ENOX1: variants seen among roughly 807,000 people sequenced by gnomAD.
ENOX1 encodes the protein ecto-NOX disulfide-thiol exchanger 1.
ENOX1 carries 42 observed loss-of-function variants against 82.5 expected under a neutral mutation model. The ratio of observed to expected loss-of-function variants is 0.51; its 90% confidence interval spans 0.40 to 0.66. The LOEUF (loss-of-function observed/expected upper bound fraction) is 0.66, where lower values mean the gene tolerates loss of function less well. Ranked by LOEUF, ENOX1 falls within the 30% of genes least tolerant of loss-of-function variation. The pLI is 0.00. For missense variants in ENOX1, 608 were observed against 811.6 expected (o/e 0.75, Z 3.05); for synonymous variants, 271 against 282.2 (o/e 0.96, Z 0.40).
chr13:43,355,889 G>A, intron 8 of ENOX1, 30 bp downstream of exon 8: 1 of 1,588,306 alleles, frequency 6.3e-7, no homozygotes, highest in Non-Finnish European at 8.6e-7. Context: ...TCCCTGTGGA[G>A]GAAGAAAAGC....
chr13:43,573,843 A>G (rs1495763), intron 2 of ENOX1, among the ~76,000 whole-genome samples: 148,473 of 152,318 alleles, frequency 0.97, 72,475 homozygotes, highest in East Asian at 1. Flanking sequence ...TGAGGAGTTC[A>G]CAGACTTATG....
chr13:43,656,637 G>A (rs1001771157), intron 2 of ENOX1, among the ~76,000 whole-genome samples: 1 of 152,084 alleles, frequency 6.6e-6, no homozygotes, highest in Non-Finnish European at 1.5e-5. Flanking sequence ...CATACTATAG[G>A]ACTAAAAAAT....
intron 1 of ENOX1, among the ~76,000 whole-genome samples, chr13:43,734,551 G>A (rs981277156): frequency 1.3e-5 from 2 of 152,170 alleles, no homozygotes; most frequent in African/African-American, 4.8e-5. Context: ...TCCTCCTGGA[G>A]GAGGCAACAA....
At chr13:43,396,123 C>A (rs2053131568) in intron 5 of ENOX1, among the ~76,000 whole-genome samples, 3 of 152,198 alleles carry the variant, frequency 2.0e-5, no homozygotes, top group Admixed American at 2.0e-4. Context: ...AATTACTATT[C>A]ATTTTCGTGT....
At chr13:43,697,687 C>T (rs147232853) in intron 1 of ENOX1, among the ~76,000 whole-genome samples, 20 of 152,262 alleles carry the variant, frequency 1.3e-4, no homozygotes, top group Admixed American at 5.2e-4. Context: ...TCCAAAGGGA[C>T]GGGATTCCAG....
At chr13:43,386,623 T>C (rs775586751) in intron 5 of ENOX1, among the ~76,000 whole-genome samples, 1 of 152,224 alleles carries the variant, frequency 6.6e-6, no homozygotes, top group African/African-American at 2.4e-5. Flanking sequence ...TTGACTTGGA[T>C]GTAAAATGGT....
intron 5 of ENOX1, among the ~76,000 whole-genome samples, chr13:43,382,598 G>A (rs1594245602): frequency 1.3e-5 from 2 of 152,098 alleles, no homozygotes; most frequent in South Asian, 4.1e-4. Context: ...AAGATCAGTG[G>A]TTGTCTCAGG....
At chr13:43,646,813 TACA>T (rs1345204376) in intron 2 of ENOX1, among the ~76,000 whole-genome samples, 2 of 152,180 alleles carry the variant, frequency 1.3e-5, no homozygotes, top group East Asian at 1.9e-4. Flanking sequence ...TTTAGATGGA[TACA>T]ACACTAGATA....
intron 1 of ENOX1, among the ~76,000 whole-genome samples, chr13:43,760,248 A>C (rs1184301210): frequency 1.3e-5 from 2 of 152,250 alleles, no homozygotes; most frequent in African/African-American, 4.8e-5. Context: ...CTTGTACTAA[A>C]GGTTTATTTA....
At chr13:43,380,037 C>A (rs1013314886) in intron 5 of ENOX1, among the ~76,000 whole-genome samples, 12 of 151,898 alleles carry the variant, frequency 7.9e-5, no homozygotes, top group South Asian at 2.1e-4. Context: ...AAAAAAAAAT[C>A]TTTTCTTTAA....
chr13:43,700,185 C>A (rs113486108), intron 1 of ENOX1, among the ~76,000 whole-genome samples: 197 of 151,824 alleles, frequency 1.3e-3, no homozygotes, highest in African/African-American at 4.5e-3. Context: ...GGTTTTTAAA[C>A]CAAGAAGCAA....
chr13:43,344,450 C>T (rs1398135612), intron 9 of ENOX1, 88 bp downstream of exon 9: 3 of 1,064,588 alleles, frequency 2.8e-6, no homozygotes, highest in Admixed American at 2.3e-5. Context: ...AATTATTGAA[C>T]TACTTACCCC....
chr13:43,444,106 G>A lies in ENOX1; in HGVS notation c.-74-31118C>T, dbSNP rs61959487. ...GCACTGTAGGCCTGTGAGTGGGGTC[G>A]GGGGAGCTACCAGTGAATTGAGGAA... is the stretch of plus-strand genomic sequence containing the variant. On this transcript the variant is annotated intron_variant, in intron 3 of 16. Coordinates refer to ENST00000690772, the MANE Select transcript of ENOX1 (RefSeq NM_001347969.2). Among the ~76,000 whole-genome samples, 1,222 of 152,248 alleles carry A rather than the reference G, an allele frequency of 8.0e-3. 12 individuals are homozygous for A. The highest frequency in any genetic ancestry group is 9.5e-3 in the Non-Finnish European group (649 of 68,002).
intron 1 of ENOX1, among the ~76,000 whole-genome samples, chr13:43,749,587 C>A (rs578183634): frequency 6.6e-6 from 1 of 152,206 alleles, no homozygotes; most frequent in Non-Finnish European, 1.5e-5. Flanking sequence ...CAGCAGGGAA[C>A]CAGCTTTGCT....
intron 2 of ENOX1, among the ~76,000 whole-genome samples, chr13:43,543,293 T>G (rs960132839): frequency 2.0e-5 from 3 of 152,206 alleles, no homozygotes; most frequent in African/African-American, 7.2e-5. Flanking sequence ...TTTCCAAACA[T>G]CATGTTTTGA....
intron 1 of ENOX1, among the ~76,000 whole-genome samples, chr13:43,703,194 T>C (rs1376219317): frequency 1.3e-5 from 2 of 152,154 alleles, no homozygotes; most frequent in African/African-American, 4.8e-5. Flanking sequence ...CTAAGATAGG[T>C]AACTTTAAAT....
intron 2 of ENOX1, among the ~76,000 whole-genome samples, chr13:43,586,155 T>A (rs992393790): frequency 2.0e-5 from 3 of 152,194 alleles, no homozygotes; most frequent in Non-Finnish European, 4.4e-5. Context: ...CTACGTCTGC[T>A]CAGGCCACTC....
At chr13:43,525,078 A>G (rs987809170) in intron 2 of ENOX1, among the ~76,000 whole-genome samples, 18 of 152,190 alleles carry the variant, frequency 1.2e-4, no homozygotes, top group Non-Finnish European at 2.5e-4. Flanking sequence ...TAAATAATGT[A>G]TATTTTTAAA....
intron 2 of ENOX1, among the ~76,000 whole-genome samples, chr13:43,638,117 A>G (rs537828465): frequency 1.3e-5 from 2 of 152,320 alleles, no homozygotes; most frequent in East Asian, 3.9e-4. Flanking sequence ...GCCTCATTCT[A>G]TAAAATAGGA....
Sources: allele counts gnomAD v4.1 joint callset (sites outside exome capture counted in the v4.1 genomes callset), GRCh38; gene constraint gnomAD v4.1.1; transcripts MANE v1.5; gene names NCBI Gene and HGNC (gene_info 2026-07-23, HGNC 2026-07-21).